The following CLCA2 variants were observed in gnomAD, a reference collection of about 807,000 sequenced individuals.
CLCA2 encodes chloride channel accessory 2, also known as calcium-activated chloride channel regulator 2.
CLCA2 carries 85 observed loss-of-function variants against 82.9 expected under a neutral mutation model. The ratio of observed to expected loss-of-function variants is 1.03; its 90% CI spans 0.86 to 1.23. CLCA2 has a LOEUF of 1.23. Ranked by LOEUF, CLCA2 falls within the 50% of genes most tolerant of loss-of-function variation. CLCA2 has a pLI of 0.00. For missense variants in CLCA2, 1,089 were observed against 1,124.8 expected, an observed-to-expected ratio of 0.97 and a Z score of 0.45; for synonymous variants, 421 against 391.7, an observed-to-expected ratio of 1.07 and a Z score of -0.88.
intron 3 of CLCA2, among the ~76,000 whole-genome samples, chr1:86,430,480 T>C (rs922143878): frequency 2.0e-5 from 3 of 152,178 alleles, no homozygotes; most frequent in Non-Finnish European, 4.4e-5. Context: ...TTTGCCTATC[T>C]GGATATGCTT....
chr1:86,432,280 A>G, intron 4 of CLCA2, 89 bp from the exon 5 acceptor site: 5 of 1,488,220 alleles, frequency 3.4e-6, no homozygotes, highest in Non-Finnish European at 9.2e-7. Flanking sequence ...GCAGGCTACA[A>G]TCCTTGTAAT....
At chr1:86,435,088 C>A (rs969817488) in intron 6 of CLCA2, among the ~76,000 whole-genome samples, 1 of 152,072 alleles carries the variant, frequency 6.6e-6, no homozygotes, top group South Asian at 2.1e-4. Flanking sequence ...GGACACCATG[C>A]CTTTTCTATC....
chr1:86,436,478 G>A (rs1445505484), intron 6 of CLCA2, among the ~76,000 whole-genome samples: 1 of 152,164 alleles, frequency 6.6e-6, no homozygotes, highest in Non-Finnish European at 1.5e-5. Flanking sequence ...GGGAGTAAAT[G>A]AGATAATATG....
intron 10 of CLCA2, 49 bp downstream of exon 10, chr1:86,444,060 G>T: frequency 8.2e-7 from 1 of 1,215,848 alleles, no homozygotes. Context: ...CCAAGTTTAT[G>T]ATTTTCAGCT....
chr1:86,446,199 G>GTGGT (rs1416652878), intron 10 of CLCA2, among the ~76,000 whole-genome samples: 1 of 146,980 alleles, frequency 6.8e-6, no homozygotes, highest in Non-Finnish European at 1.5e-5. Flanking sequence ...TGCTTCTGTA[G>GTGGT]TGGTGAGCTG....
intron 5 of CLCA2, among the ~76,000 whole-genome samples, chr1:86,432,835 G>A (rs556151726): frequency 2.0e-5 from 3 of 152,308 alleles, no homozygotes; most frequent in South Asian, 4.1e-4. Context: ...TTGGGTTAAT[G>A]AGAGTGATAT....
Position 86,450,660 on chromosome 1 carries a change from T to C in CLCA2, c.2082T>C (p.Ser694=). ...GCTTGAAAGTGCATGTCAATCACTC[T>C]CCCAGCATAAGCACCCCAGCCCACT... The part of the protein sequence containing the change: ...RYSLKVHVNH[S]PSISTPAHSI... The change falls in exon 12 of 14, where the codon TCT becomes TCC. Residue 694 remains serine, a synonymous_variant. Transcript: ENST00000370565. 6.2e-7 allele frequency: 1 copy of C among 1,613,798 alleles called. No homozygotes were observed. Among genetic ancestry groups the C allele is most frequent in the Non-Finnish European group, 8.5e-7 (1 of 1,179,802 alleles).
intron 10 of CLCA2, 26 bp from the exon 11 acceptor site, chr1:86,447,482 C>T: frequency 3.1e-6 from 5 of 1,591,250 alleles, no homozygotes; most frequent in Admixed American, 3.5e-5. Flanking sequence ...TTCACACTTT[C>T]CAAAACAATA....
At position 86,455,283 on chromosome 1, in the gene CLCA2, A is replaced by G; in HGVS notation, c.2588A>G (p.Tyr863Cys). The change falls in exon 14 of 14, where the codon TAT becomes TGT. Residue 863 changes from tyrosine (Y) to cysteine (C), a missense_variant. Transcript: ENST00000370565. ...GAAACACATGAAAGCCACAGAATTTATGTTGCAATACGAGCAATGGATAGG... is the reference window on the plus strand; with the variant it reads ...GAAACACATGAAAGCCACAGAATTTGTGTTGCAATACGAGCAATGGATAGG... The part of the protein sequence containing the change: ...NGETHESHRI[Y>C]VAIRAMDRNS... 1 of 1,614,164 alleles carries G rather than the reference A, an allele frequency of 6.2e-7. No homozygotes were observed. Among genetic ancestry groups the G allele is most frequent in the Non-Finnish European group, 8.5e-7 (1 of 1,180,020 alleles).
chr1:86,452,176 C>CTTTTTTTTTTTTTTTTTTTT (rs753484167), intron 12 of CLCA2, among the ~76,000 whole-genome samples: 1 of 43,946 alleles, frequency 2.3e-5, no homozygotes, highest in African/African-American at 9.2e-5. Context: ...AACCTGGAAG[C>CTTTTTTTTTTTTTTTTTTTT]TTTTTTTTTT....
In CLCA2 at chr1:86,441,425, C is replaced by G; in HGVS notation, c.1382-12C>G. ...CCATTTTAATAGTGAACACTCCTAT[C>G]ATGTATTTCAGGAGGTTTAAAGTTC... On this transcript the variant is annotated splice_polypyrimidine_tract_variant and intron_variant, in intron 8 of 13. Transcript: ENST00000370565. 1 of 1,475,708 alleles carries G rather than the reference C, an allele frequency of 6.8e-7. No homozygotes were observed. The highest frequency in any genetic ancestry group is 2.3e-5 in the East Asian group (1 of 43,954). 91.4% of individuals were successfully genotyped at this position (1,475,708 alleles called of 1,614,324 possible). A position where few individuals can be genotyped will look rare whatever the true frequency, so the allele number is the denominator to read the frequency against.
chr1:86,455,458 T>G lies in CLCA2; in HGVS notation c.2763T>G (p.Val921=). Reference sequence around the variant, plus strand: ...TAGGAATCATTTGCCTTATTATAGTTGTGACACATCATACTTTAAGCAGGA... The same window carrying G: ...TAGGAATCATTTGCCTTATTATAGTGGTGACACATCATACTTTAAGCAGGA... The part of the protein sequence containing the change: ...GLIGIICLII[V]VTHHTLSRKK... Residue 921 remains valine, a synonymous_variant, in exon 14 of 14, where the codon GTT becomes GTG. Coordinates refer to ENST00000370565, the MANE Select transcript of CLCA2 (RefSeq NM_006536.7). 1.3e-6 allele frequency: 2 copies of G among 1,562,448 alleles called. No individual in the cohort carries two copies. Among genetic ancestry groups the G allele is most frequent in the Non-Finnish European group, 1.7e-6 (2 of 1,158,386 alleles).
chr1:86,436,331 C>G (rs571463728), intron 6 of CLCA2, among the ~76,000 whole-genome samples: 2 of 152,218 alleles, frequency 1.3e-5, no homozygotes, highest in African/African-American at 4.8e-5. Flanking sequence ...GCAGTTGCTA[C>G]GAATCAGGCC....
rs1663052832 is a variant in CLCA2, at chr1:86,455,321, T to C, written c.2626T>C (p.Ser876Pro). 6.2e-7 allele frequency: 1 copy of C among 1,613,804 alleles called. No homozygotes were observed. Residue 876 changes from serine (S) to proline (P), a missense_variant, in exon 14 of 14, where the codon TCT becomes CCT. By Grantham distance (74) the Ser-to-Pro change is moderately conservative. Transcript: ENST00000370565. Reference protein sequence around the residue: ...IRAMDRNSLQSAVSNIAQAPL... With the variant: ...IRAMDRNSLQPAVSNIAQAPL... ...AGCAATGGATAGGAACTCCTTACAGTCTGCTGTATCTAACATTGCCCAGGC... is the reference window on the plus strand; with the variant it reads ...AGCAATGGATAGGAACTCCTTACAGCCTGCTGTATCTAACATTGCCCAGGC...
chr1:86,432,309 A>G, intron 4 of CLCA2, 60 bp from the exon 5 acceptor site: 3 of 1,561,924 alleles, frequency 1.9e-6, no homozygotes, highest in Non-Finnish European at 2.6e-6. Context: ...AAGCTAGTCA[A>G]CAAGAAACAT....
At chr1:86,425,986 G>A (rs1662379049) in intron 2 of CLCA2, among the ~76,000 whole-genome samples, 1 of 152,130 alleles carries the variant, frequency 6.6e-6, no homozygotes, top group Admixed American at 6.6e-5. Context: ...AAGGAGATTA[G>A]AAGGAAGGGA....
intron 1 of CLCA2, 91 bp downstream of exon 1, chr1:86,424,524 T>A: frequency 7.2e-6 from 8 of 1,114,694 alleles, no homozygotes; most frequent in Non-Finnish European, 1.0e-5. Flanking sequence ...TGGTTTGTAT[T>A]TGAGTAATAC....
At chr1:86,431,378 A>G (rs1284252478) in intron 4 of CLCA2, among the ~76,000 whole-genome samples, 1 of 152,112 alleles carries the variant, frequency 6.6e-6, no homozygotes, top group Non-Finnish European at 1.5e-5. Context: ...TTATGTGACT[A>G]TACCATAATT....
At chr1:86,450,376 G>A (rs1011583419) in intron 11 of CLCA2, among the ~76,000 whole-genome samples, 187 bp from the exon 12 acceptor site, 1 of 152,140 alleles carries the variant, frequency 6.6e-6, no homozygotes, top group African/African-American at 2.4e-5. Context: ...ACTGAGGTAA[G>A]AAATTACAGG....
Sources: allele counts gnomAD v4.1 joint callset (sites outside exome capture counted in the v4.1 genomes callset), GRCh38; gene constraint gnomAD v4.1.1; transcripts MANE v1.5; gene names NCBI Gene and HGNC (gene_info 2026-07-23, HGNC 2026-07-21).